GFRAL: variants seen among roughly 807,000 people sequenced by gnomAD.
GFRAL encodes the protein GDNF family receptor alpha like, also known as GDNF family receptor alpha-like.
A neutral mutation model predicts 45.4 loss-of-function variants in GFRAL; 36 were observed. The ratio of observed to expected loss-of-function variants is 0.79; its 90% confidence interval spans 0.61 to 1.05. GFRAL has a LOEUF of 1.05. Among genes scored for constraint, GFRAL ranks in the 50% least tolerant of loss-of-function variants. GFRAL has a pLI of 0.00. For missense variants in GFRAL, 507 were observed against 467.5 expected (o/e 1.08, Z -0.78); for synonymous variants, 166 against 154.1 (o/e 1.08, Z -0.57).
chr6:55,348,237 AGTGTGTGTGTGT>A (rs10560874), intron 3 of GFRAL, among the ~76,000 whole-genome samples: 1 of 150,314 alleles, frequency 6.7e-6, no homozygotes, highest in African/African-American at 2.4e-5. Flanking sequence ...GGAAAAAATG[AGTGTGTGTGTGT>A]GTGTGTGTGT....
chr6:55,393,376 A>AT, intron 6 of GFRAL, among the ~76,000 whole-genome samples: 1 of 152,292 alleles, frequency 6.6e-6, no homozygotes, highest in East Asian at 1.9e-4. Context: ...TATTCTGTAG[A>AT]ACCAGTGTTT....
At chr6:55,382,934 A>G (rs546324143) in intron 6 of GFRAL, among the ~76,000 whole-genome samples, 1 of 152,108 alleles carries the variant, frequency 6.6e-6, no homozygotes, top group Non-Finnish European at 1.5e-5. Flanking sequence ...GGTTTGAAAA[A>G]TCAGGCAAAT....
intron 6 of GFRAL, among the ~76,000 whole-genome samples, chr6:55,369,606 C>T (rs1337631672): frequency 6.6e-6 from 1 of 151,854 alleles, no homozygotes; most frequent in Non-Finnish European, 1.5e-5. Context: ...TGTTATTGCA[C>T]GTATGTACTG....
intron 6 of GFRAL, among the ~76,000 whole-genome samples, chr6:55,364,331 G>C (rs1320823999): frequency 1.3e-5 from 2 of 150,550 alleles, no homozygotes; most frequent in Non-Finnish European, 2.9e-5. Flanking sequence ...GTAGATTCTG[G>C]ATATTAGCCC....
intron 6 of GFRAL, among the ~76,000 whole-genome samples, chr6:55,360,400 ATATC>A (rs939879080): frequency 1.9e-5 from 2 of 107,054 alleles, no homozygotes; most frequent in African/African-American, 8.7e-5. Context: ...ATCTACATCT[ATATC>A]TATATCTATA....
At chr6:55,350,056 T>A (rs368351964) in intron 3 of GFRAL, 36 bp from the exon 4 acceptor site, 1 of 1,263,198 alleles carries the variant, frequency 7.9e-7, no homozygotes, top group Non-Finnish European at 1.2e-6. Context: ...CAGAAAATTG[T>A]TCAATAATGA....
chr6:55,392,067 T>C (rs1181860057), intron 6 of GFRAL, among the ~76,000 whole-genome samples: 1 of 152,190 alleles, frequency 6.6e-6, no homozygotes, highest in East Asian at 1.9e-4. Flanking sequence ...TGATCACTTT[T>C]GTGTGCAGAA....
chr6:55,346,140 T>C (rs558259707), intron 3 of GFRAL, among the ~76,000 whole-genome samples: 52 of 152,300 alleles, frequency 3.4e-4, no homozygotes, highest in African/African-American at 1.2e-3. Context: ...TGGCGATTCC[T>C]CAGGGATCTA....
chr6:55,363,087 A>T (rs982822589), intron 6 of GFRAL, among the ~76,000 whole-genome samples: 1 of 151,304 alleles, frequency 6.6e-6, no homozygotes, highest in Non-Finnish European at 1.5e-5. Context: ...AAAGCAGAAA[A>T]CCTCTGTTTA....
chr6:55,337,362 A>G (rs532290243), intron 3 of GFRAL, among the ~76,000 whole-genome samples: 33 of 150,104 alleles, frequency 2.2e-4, no homozygotes, highest in Non-Finnish European at 3.8e-4. Context: ...GTATATTGGC[A>G]TGTTGATTTG....
At chr6:55,345,106 G>T (rs1768020389) in intron 3 of GFRAL, among the ~76,000 whole-genome samples, 1 of 152,078 alleles carries the variant, frequency 6.6e-6, no homozygotes, top group Non-Finnish European at 1.5e-5. Flanking sequence ...CATGAAAATG[G>T]CCATACTGCC....
chr6:55,355,938 C>T (rs62419064), intron 5 of GFRAL, among the ~76,000 whole-genome samples: 18,463 of 151,834 alleles, frequency 0.12, 1,289 homozygotes, highest in African/African-American at 0.2. Flanking sequence ...CATGAAGGAA[C>T]GTAGAGAACT....
chr6:55,342,693 A>T (rs1767985052), intron 3 of GFRAL, among the ~76,000 whole-genome samples: 1 of 152,078 alleles, frequency 6.6e-6, no homozygotes, highest in Admixed American at 6.5e-5. Flanking sequence ...CCTTAAATGT[A>T]AATGGGCTAA....
chr6:55,338,997 G>A (rs982385679), intron 3 of GFRAL, among the ~76,000 whole-genome samples: 10 of 152,102 alleles, frequency 6.6e-5, no homozygotes, highest in African/African-American at 2.4e-4. Flanking sequence ...GAAAGATGCA[G>A]GTCAAGAATA....
intron 5 of GFRAL, among the ~76,000 whole-genome samples, chr6:55,356,946 TG>T (rs1258273575): frequency 6.6e-6 from 1 of 151,886 alleles, no homozygotes; most frequent in Non-Finnish European, 1.5e-5. Context: ...TTTCTTTATT[TG>T]CACACTGGAC....
intron 3 of GFRAL, 41 bp from the exon 4 acceptor site, chr6:55,350,051 A>T: frequency 8.1e-7 from 1 of 1,228,656 alleles, no homozygotes; most frequent in South Asian, 1.2e-5. Flanking sequence ...AAATTCAGAA[A>T]ATTGTTCAAT....
intron 5 of GFRAL, among the ~76,000 whole-genome samples, chr6:55,355,289 C>T (rs1417082728): frequency 6.6e-6 from 1 of 151,756 alleles, no homozygotes; most frequent in Non-Finnish European, 1.5e-5. Flanking sequence ...ACAACCATGG[C>T]TCATGCGTAC....
chr6:55,346,096 C>A (rs1241426817), intron 3 of GFRAL, among the ~76,000 whole-genome samples: 4 of 152,176 alleles, frequency 2.6e-5, no homozygotes, highest in Non-Finnish European at 5.9e-5. Flanking sequence ...GTTGGTGGGA[C>A]TGTAAACTAG....
rs144264010 is a variant in GFRAL, at chr6:55,401,563, A to G, written c.1122-227A>G. Among the ~76,000 whole-genome samples the G allele has an allele frequency of 3.1e-3, 477 of 152,352 alleles. 3 individuals carry two copies. The highest frequency in any genetic ancestry group is 9.7e-3 in the African/African-American group (403 of 41,582). Reference sequence around the variant, plus strand: ...GAAACAACTAAAAATTTAAATATTTACAAAAAGAAAGGACTTTTTAAAAAA... The same window carrying G: ...GAAACAACTAAAAATTTAAATATTTGCAAAAAGAAAGGACTTTTTAAAAAA... On this transcript the variant is annotated intron_variant, in intron 8 of 8. Coordinates refer to ENST00000340465, the MANE Select transcript of GFRAL (RefSeq NM_207410.2).
Sources: gnomAD v4.1 joint callset for allele counts (sites outside exome capture counted in the v4.1 genomes callset) on GRCh38, gnomAD v4.1.1 for gene constraint, MANE v1.5 for transcripts, NCBI Gene and HGNC (gene_info 2026-07-23, HGNC 2026-07-21) for gene names.